Variants in ALKBH8 observed in about 807,000 individuals in gnomAD.
ALKBH8 encodes the protein alkB homolog 8, tRNA methyltransferase, also known as tRNA (carboxymethyluridine(34)-5-O)-methyltransferase ALKBH8.
ALKBH8 carries 36 observed loss-of-function variants against 59.8 expected under a neutral mutation model. That is an observed-to-expected ratio of 0.60 (90% CI 0.46 to 0.79). The LOEUF (loss-of-function observed/expected upper bound fraction) is 0.79. Among genes scored for constraint, ALKBH8 ranks in the 30% least tolerant of loss-of-function variants. The pLI is 0.00. For missense variants in ALKBH8, 768 were observed against 801.0 expected (o/e 0.96, Z 0.50); for synonymous variants, 276 against 273.6 (o/e 1.01, Z -0.09).
chr11:107,514,606 T>A (rs549435840), intron 10 of ALKBH8, among the ~76,000 whole-genome samples: 1 of 152,326 alleles, frequency 6.6e-6, no homozygotes, highest in East Asian at 1.9e-4. Context: ...TTCTTACTTA[T>A]TATTTATTTT....
intron 6 of ALKBH8, among the ~76,000 whole-genome samples, chr11:107,550,978 A>G (rs1385167449): frequency 6.6e-6 from 1 of 152,222 alleles, no homozygotes; most frequent in Non-Finnish European, 1.5e-5. Context: ...AAAAGTAAAA[A>G]ATAAAACCCT....
At chr11:107,538,386 TAA>T (rs1863909657) in intron 7 of ALKBH8, among the ~76,000 whole-genome samples, 2 of 152,080 alleles carry the variant, frequency 1.3e-5, no homozygotes, top group Admixed American at 1.3e-4. Flanking sequence ...GACCACAAAA[TAA>T]AAAGACTTTA....
In ALKBH8 at chr11:107,522,558, TAA is replaced by T. The variant is rs757179773; in HGVS notation, c.1031-5_1031-4del. The T allele has an allele frequency of 3.4e-5, 53 of 1,549,530 alleles. No individual in the cohort carries two copies. In the South Asian group the frequency reaches 6.0e-4, roughly 17 times the overall value. ...GCTATCACAGACCAACGGGTAACCT[TAA>T]TGAAAAAGCAATACACACCTTTCCT... On this transcript the variant is annotated splice_region_variant and splice_polypyrimidine_tract_variant and intron_variant, in intron 9 of 11. Coordinates refer to ENST00000428149, the MANE Select transcript of ALKBH8 (RefSeq NM_138775.3).
At chr11:107,537,301 A>G (rs528913828) in intron 7 of ALKBH8, among the ~76,000 whole-genome samples, 158 of 152,348 alleles carry the variant, frequency 1.0e-3, no homozygotes, top group African/African-American at 3.7e-3. Context: ...CATGGAATCA[A>G]TGTAAATGCC....
intron 10 of ALKBH8, among the ~76,000 whole-genome samples, chr11:107,516,908 G>A (rs995958286): frequency 1.3e-4 from 19 of 151,878 alleles, no homozygotes; most frequent in African/African-American, 4.6e-4. Flanking sequence ...TGCCTATAGT[G>A]CCAGCTACTA....
Position 107,556,913 on chromosome 11 carries a change from G to C in ALKBH8, c.220C>G (p.Leu74Val). The stretch of plus-strand genomic sequence containing the variant: ...TACGGCTTGTTAGGTGGCATTAAGA[G>C]AGCATCCACCAGTCCACATTTCTCT... ...VLEKCGLVDA[L>V]LMPPNKPYSF... Residue 74 changes from leucine (L) to valine (V), a missense_variant, in exon 3 of 12, where the codon CTC (leucine) becomes GTC (valine). By Grantham distance (32) the Leu-to-Val change is conservative (BLOSUM62 1). Coordinates refer to ENST00000428149, the MANE Select transcript of ALKBH8 (RefSeq NM_138775.3). The C allele has an allele frequency of 6.2e-7, 1 of 1,612,768 alleles. No homozygotes were observed. Among genetic ancestry groups the C allele is most frequent in the Non-Finnish European group, 8.5e-7 (1 of 1,179,396 alleles).
chr11:107,514,468 A>AG (rs1862773380), intron 10 of ALKBH8, among the ~76,000 whole-genome samples: 1 of 152,222 alleles, frequency 6.6e-6, no homozygotes, highest in African/African-American at 2.4e-5. Context: ...ATATCAAGCT[A>AG]GAGGTAAAGT....
intron 7 of ALKBH8, among the ~76,000 whole-genome samples, chr11:107,536,788 A>C (rs544246804): frequency 1.3e-5 from 2 of 152,282 alleles, no homozygotes; most frequent in East Asian, 3.8e-4. Context: ...CCTCCTCCAC[A>C]AAAAGGCCTC....
chr11:107,553,783 C>G (rs1206853611), intron 4 of ALKBH8, 64 bp downstream of exon 4: 6 of 1,526,630 alleles, frequency 3.9e-6, no homozygotes, highest in Admixed American at 4.1e-5. Context: ...CCATGAAAGA[C>G]AGAGGAAAGG....
intron 3 of ALKBH8, among the ~76,000 whole-genome samples, chr11:107,555,868 TATTTA>T (rs1007935717): frequency 1.3e-5 from 2 of 152,248 alleles, no homozygotes; most frequent in Non-Finnish European, 2.9e-5. Flanking sequence ...AAGCTATACT[TATTTA>T]ATTAAATTAT....
At chr11:107,545,608 G>A (rs965841099) in intron 7 of ALKBH8, among the ~76,000 whole-genome samples, 1 of 152,256 alleles carries the variant, frequency 6.6e-6, no homozygotes, top group South Asian at 2.1e-4. Flanking sequence ...AGTTGCAAAA[G>A]TCATCATAAT....
intron 7 of ALKBH8, among the ~76,000 whole-genome samples, chr11:107,540,824 T>G (rs1864003691): frequency 6.6e-6 from 1 of 152,218 alleles, no homozygotes; most frequent in African/African-American, 2.4e-5. Context: ...TAAAAAATAT[T>G]TTAAATTGTA....
At chr11:107,512,064 G>C (rs996007712) in intron 10 of ALKBH8, among the ~76,000 whole-genome samples, 8 of 152,108 alleles carry the variant, frequency 5.3e-5, no homozygotes, top group Non-Finnish European at 5.9e-5. Flanking sequence ...CAACAGGTGA[G>C]ACCTAGCATG....
intron 3 of ALKBH8, among the ~76,000 whole-genome samples, chr11:107,555,790 T>A (rs1412653464): frequency 6.6e-6 from 1 of 152,180 alleles, no homozygotes; most frequent in Non-Finnish European, 1.5e-5. Flanking sequence ...TCTAAGTTCA[T>A]CTCAATACAT....
chr11:107,543,195 C>T (rs912031687), intron 7 of ALKBH8, among the ~76,000 whole-genome samples: 5 of 151,882 alleles, frequency 3.3e-5, no homozygotes, highest in African/African-American at 1.2e-4. Flanking sequence ...AAATCAGCCA[C>T]GCGTGGTGGT....
At chr11:107,543,008 T>C (rs1459617653) in intron 7 of ALKBH8, among the ~76,000 whole-genome samples, 1 of 152,144 alleles carries the variant, frequency 6.6e-6, no homozygotes, top group African/African-American at 2.4e-5. Flanking sequence ...TTGTTCCGTA[T>C]GGGAGAATGA....
At chr11:107,512,816 T>G (rs1371796672) in intron 10 of ALKBH8, among the ~76,000 whole-genome samples, 1 of 152,170 alleles carries the variant, frequency 6.6e-6, no homozygotes, top group Non-Finnish European at 1.5e-5. Context: ...AGACTATGAA[T>G]GCTCATATCA....
At chr11:107,525,116 G>A (rs77193863) in intron 9 of ALKBH8, among the ~76,000 whole-genome samples, 7,539 of 152,122 alleles carry the variant, frequency 0.05, 381 homozygotes, top group East Asian at 0.22. Context: ...AACAATACCC[G>A]TTTTTAAACA....
chr11:107,565,448 C>G lies in ALKBH8; in HGVS notation c.-7+153G>C. 2.9e-6 allele frequency: 3 copies of G among 1,022,638 alleles called. No individual in the cohort carries two copies. The South Asian group carries it at 4.6e-5, about 16-fold the overall frequency. The allele number at this position is 1,022,638 out of a possible 1,614,324, so 63.3% of individuals were successfully genotyped here. On this transcript the variant is annotated intron_variant, in intron 1 of 11. Coordinates refer to ENST00000428149, the MANE Select transcript of ALKBH8 (RefSeq NM_138775.3). ...ACCACCCAACGCAGACACCCTACTGCCCACACTGCACCAAGGGCGCCTCTG... is the reference window on the plus strand; with the variant it reads ...ACCACCCAACGCAGACACCCTACTGGCCACACTGCACCAAGGGCGCCTCTG...
Sources: allele counts gnomAD v4.1 joint callset (sites outside exome capture counted in the v4.1 genomes callset), GRCh38; gene constraint gnomAD v4.1.1; transcripts MANE v1.5; gene names NCBI Gene and HGNC (gene_info 2026-07-23, HGNC 2026-07-21).